MAP3K3: variants seen among roughly 807,000 people sequenced by gnomAD.
The protein encoded by MAP3K3 is mitogen-activated protein kinase kinase kinase 3.
MAP3K3 carries 12 observed loss-of-function variants against 80.9 expected under a neutral mutation model. The ratio of observed to expected loss-of-function variants is 0.15; its 90% confidence interval spans 0.10 to 0.24. MAP3K3 has a LOEUF of 0.24. Ranked by LOEUF, MAP3K3 falls within the 10% of genes least tolerant of loss-of-function variation. The probability of loss-of-function intolerance (pLI) is 1.00; values close to 1 mark genes in which losing one functional copy is unlikely to be tolerated. For missense variants in MAP3K3, 596 were observed against 834.7 expected (o/e 0.71, Z 3.52); for synonymous variants, 272 against 307.1 (o/e 0.89, Z 1.19).
chr17:63,658,988 G>A (rs1254813781), intron 5 of MAP3K3, among the ~76,000 whole-genome samples: 1 of 152,020 alleles, frequency 6.6e-6, no homozygotes, highest in Non-Finnish European at 1.5e-5. Flanking sequence ...CACCCGCCTC[G>A]GACTCCCAAA....
In MAP3K3 at chr17:63,695,639, C is replaced by T. The variant is rs2035676760; in HGVS notation, c.*1862C>T. The T allele has an allele frequency of 6.5e-6, 1 of 152,720 alleles. No homozygotes were observed. Among genetic ancestry groups the T allele is most frequent in the South Asian group, 2.1e-4 (1 of 4,832 alleles). 9.5% of individuals were successfully genotyped at this position (152,720 alleles called of 1,614,324 possible). ...ACGACCCCATCTTGGTGGCTGCACA[C>T]TCTTCCTGGCCCGCACCCCCATCCC... On this transcript the variant is annotated 3_prime_UTR_variant, in exon 16 of 16. Coordinates refer to ENST00000361733, the MANE Select transcript of MAP3K3 (RefSeq NM_002401.5). This position sits in a 1 kb window ranked among gnomAD's most constrained non-coding sequence, Gnocchi z 4.1.
At chr17:63,631,546 C>T (rs186301689) in intron 1 of MAP3K3, among the ~76,000 whole-genome samples, 3 of 152,134 alleles carry the variant, frequency 2.0e-5, no homozygotes, top group African/African-American at 7.2e-5. Context: ...CCTTCACGAT[C>T]AACAGATTTA....
intron 1 of MAP3K3, among the ~76,000 whole-genome samples, chr17:63,631,949 T>C (rs962923835): frequency 6.6e-6 from 1 of 152,198 alleles, no homozygotes; most frequent in African/African-American, 2.4e-5. Flanking sequence ...TAAAGTGTGC[T>C]CTCCTCCTTA....
intron 7 of MAP3K3, 115 bp from the exon 8 acceptor site, chr17:63,685,400 AAG>A (rs2035427558): frequency 1.3e-6 from 1 of 798,290 alleles, no homozygotes; most frequent in Admixed American, 1.8e-5. Flanking sequence ...TGGGGAGAAA[AAG>A]GACACTTTCA....
intron 1 of MAP3K3, among the ~76,000 whole-genome samples, chr17:63,629,102 C>T: frequency 6.6e-6 from 1 of 152,048 alleles, no homozygotes; most frequent in Non-Finnish European, 1.5e-5. Flanking sequence ...TTCCTAACTG[C>T]TTCAGTCTAA....
At chr17:63,654,392 T>C (rs2034722540) in intron 4 of MAP3K3, among the ~76,000 whole-genome samples, 1 of 150,940 alleles carries the variant, frequency 6.6e-6, no homozygotes, top group South Asian at 2.1e-4. Flanking sequence ...GTTGTCAGTA[T>C]GTCATTCTAT....
chr17:63,684,460 A>G (rs565806776), intron 7 of MAP3K3, among the ~76,000 whole-genome samples: 15 of 152,334 alleles, frequency 9.8e-5, no homozygotes, highest in South Asian at 4.1e-4. Flanking sequence ...TTACTTTGCA[A>G]TTAATTTGCC....
Position 63,622,545 on chromosome 17 carries a change from G to C in MAP3K3, c.-215G>C, listed in dbSNP as rs1372563612. 1 of 153,350 alleles carries C rather than the reference G, an allele frequency of 6.5e-6. No homozygotes were observed. Among genetic ancestry groups the C allele is most frequent in the African/African-American group, 2.4e-5 (1 of 41,282 alleles). 9.5% of individuals were successfully genotyped at this position (153,350 alleles called of 1,614,324 possible). A position where few individuals can be genotyped will look rare whatever the true frequency, so the allele number is the denominator to read the frequency against. On this transcript the variant is annotated 5_prime_UTR_variant, in exon 1 of 16. Coordinates refer to ENST00000361733, the MANE Select transcript of MAP3K3 (RefSeq NM_002401.5). Reference sequence around the variant, plus strand: ...GCTGGGCCGAGCCCAGGAGCGCCCGGGATGTAGCGGGCCACCCTGCCGATG... The same window carrying C: ...GCTGGGCCGAGCCCAGGAGCGCCCGCGATGTAGCGGGCCACCCTGCCGATG...
intron 5 of MAP3K3, among the ~76,000 whole-genome samples, chr17:63,663,626 T>TA (rs1364498563): frequency 6.6e-6 from 1 of 152,194 alleles, no homozygotes; most frequent in Non-Finnish European, 1.5e-5. Context: ...TAATCTCAAT[T>TA]TGGATGAACT....
chr17:63,629,426 GTTAT>G (rs2143151671), intron 1 of MAP3K3, among the ~76,000 whole-genome samples: 1 of 152,250 alleles, frequency 6.6e-6, no homozygotes, highest in South Asian at 2.1e-4. Flanking sequence ...CGCCCAGCCT[GTTAT>G]TTGTTTTTAA....
intron 7 of MAP3K3, among the ~76,000 whole-genome samples, chr17:63,683,010 C>T (rs762726420): frequency 6.6e-6 from 1 of 152,212 alleles, no homozygotes; most frequent in Non-Finnish European, 1.5e-5. Context: ...TTAGTGAACT[C>T]ACCAAGCATG....
chr17:63,648,705 C>T (rs2034589270), intron 3 of MAP3K3, among the ~76,000 whole-genome samples: 1 of 152,042 alleles, frequency 6.6e-6, no homozygotes, highest in Non-Finnish European at 1.5e-5. Context: ...GTCCCAGCTA[C>T]TCGGGAGGCT....
In MAP3K3 at chr17:63,681,816, C is replaced by T; in HGVS notation, c.553C>T (p.Arg185Trp). The change falls in exon 7 of 16, where the codon CGG (arginine) becomes TGG (tryptophan). Residue 185 changes from arginine (R) to tryptophan (W), a missense_variant. Arg to Trp is a moderately radical substitution (Grantham distance 101, BLOSUM62 -3). Transcript: ENST00000361733. ...ACCTCCCCCTGGCTATGTTCCTGAGCGGCAGCAGCACATTGCCCGGCAGGG... is the reference window on the plus strand; with the variant it reads ...ACCTCCCCCTGGCTATGTTCCTGAGTGGCAGCAGCACATTGCCCGGCAGGG... ...SSPPPGYVPERQQHIARQGSY... is the reference protein window; with the variant it reads ...SSPPPGYVPEWQQHIARQGSY... The T allele has an allele frequency of 3.2e-6, 5 of 1,548,070 alleles. No individual in the cohort carries two copies. The highest frequency in any genetic ancestry group is 3.5e-6 in the Non-Finnish European group (4 of 1,143,252).
chr17:63,678,348 C>CTTTAGTTTCTG (rs2035261967), intron 6 of MAP3K3, among the ~76,000 whole-genome samples: 1 of 152,156 alleles, frequency 6.6e-6, no homozygotes, highest in South Asian at 2.1e-4. Context: ...TCTGTTAGGA[C>CTTTAGTTTCTG]TTAGAAAATA....
intron 2 of MAP3K3, chr17:63,634,802 G>A (rs1165017899): frequency 6.2e-7 from 1 of 1,613,206 alleles, no homozygotes. Context: ...GAAATTTTTG[G>A]TAAGGATCCA....
intron 6 of MAP3K3, among the ~76,000 whole-genome samples, chr17:63,680,613 C>T (rs1299395314): frequency 6.6e-6 from 1 of 152,082 alleles, no homozygotes; most frequent in East Asian, 1.9e-4. Flanking sequence ...CTCAAAATCC[C>T]TTATGGCAGA....
At chr17:63,660,271 G>C (rs1045617284) in intron 5 of MAP3K3, among the ~76,000 whole-genome samples, 51 of 152,042 alleles carry the variant, frequency 3.4e-4, no homozygotes, top group African/African-American at 9.9e-4. Context: ...CGCAGTGACA[G>C]CTCACCACAG....
At chr17:63,672,198 G>C (rs759545233) in intron 6 of MAP3K3, among the ~76,000 whole-genome samples, 1 of 149,562 alleles carries the variant, frequency 6.7e-6, no homozygotes, top group Non-Finnish European at 1.5e-5. Flanking sequence ...CAGGAGAATT[G>C]TTTGAACCCG....
At position 63,693,294 on chromosome 17, in the gene MAP3K3, A is replaced by G. The variant is rs1204681054; in HGVS notation, c.1653-255A>G. ...TGTTAAGAGCAGCTATGGGTAGCTA[A>G]TACAGTTATTGTAGAGTTCTTTCTG... On this transcript the variant is annotated intron_variant, in intron 15 of 15. Coordinates refer to ENST00000361733, the MANE Select transcript of MAP3K3 (RefSeq NM_002401.5). This position sits in a 1 kb window ranked among gnomAD's most constrained non-coding sequence, Gnocchi z 4.2. Among the ~76,000 whole-genome samples, 2 of 152,196 alleles carry G rather than the reference A, an allele frequency of 1.3e-5. No individual in the cohort carries two copies. Among genetic ancestry groups the G allele is most frequent in the African/African-American group, 4.8e-5 (2 of 41,428 alleles).
Sources: allele counts gnomAD v4.1 joint callset (sites outside exome capture counted in the v4.1 genomes callset), GRCh38; gene constraint gnomAD v4.1.1; non-coding constraint Gnocchi (gnomAD v3.1); transcripts MANE v1.5; gene names NCBI Gene and HGNC (gene_info 2026-07-23, HGNC 2026-07-21).